The following POLR1F variants were observed in gnomAD, a reference collection of about 807,000 sequenced individuals.
POLR1F encodes DNA-directed RNA polymerase I subunit RPA43.
POLR1F carries 23 observed loss-of-function variants against 21.8 expected under a neutral mutation model. The observed-to-expected ratio is 1.05, with a 90% CI of 0.76 to 1.49. The LOEUF is 1.49. Ranked by LOEUF, POLR1F falls within the 40% of genes most tolerant of loss-of-function variation. POLR1F has a pLI of 0.00. For missense variants in POLR1F, 435 were observed against 412.1 expected, an observed-to-expected ratio of 1.06 and a Z score of -0.48; for synonymous variants, 162 against 152.8, an observed-to-expected ratio of 1.06 and a Z score of -0.45.
At position 19,709,028 on chromosome 7, in the gene POLR1F, A is replaced by T; in HGVS notation, c.-12T>A. On this transcript the variant is annotated 5_prime_UTR_variant, in exon 1 of 4. In the 5' UTR this introduces an upstream ATG that the reference lacks. Coordinates refer to ENST00000222567, the MANE Select transcript of POLR1F (RefSeq NM_001002926.2). ...CAACCTGCAGCCATGCTGCTTGTCA[A>T]GGTTCCCACGGCGCGCGCCGTTGAC... 1 of 1,558,890 alleles carries T rather than the reference A, an allele frequency of 6.4e-7. No individual in the cohort carries two copies.
At chr7:19,704,955 A>G in intron 1 of POLR1F, 35 bp from the exon 2 acceptor site, 1 of 1,536,884 alleles carries the variant, frequency 6.5e-7, no homozygotes, top group Non-Finnish European at 8.7e-7. Flanking sequence ...GATACCTTTT[A>G]TCGTCTTTTA....
At position 19,698,104 on chromosome 7, in the gene POLR1F, G is replaced by A. The variant is rs1458074003; in HGVS notation, c.*212C>T. 1 of 405,510 alleles carries A rather than the reference G, an allele frequency of 2.5e-6. No homozygotes were observed. The allele number at this position is 405,510 out of a possible 1,614,324, so 25.1% of individuals were successfully genotyped here. A position where few individuals can be genotyped will look rare whatever the true frequency, so the allele number is the denominator to read the frequency against. ...GACAGTGAGAGCAGCTTTTTATTTT[G>A]TATAAAATGGTATTTTAACAATACT... On this transcript the variant is annotated 3_prime_UTR_variant, in exon 4 of 4. Coordinates refer to ENST00000222567, the MANE Select transcript of POLR1F (RefSeq NM_001002926.2).
Position 19,696,148 on chromosome 7 carries a change from T to C in POLR1F, c.*2168A>G, listed in dbSNP as rs1030189736. The stretch of plus-strand genomic sequence containing the variant: ...CTAGGTTAGTGCAGCATGTGCCAAA[T>C]GTTTTGAAGAATACATAGTGGACAC... On this transcript the variant is annotated 3_prime_UTR_variant, in exon 4 of 4. Coordinates refer to ENST00000222567, the MANE Select transcript of POLR1F (RefSeq NM_001002926.2). 5.3e-5 allele frequency: 8 copies of C among 152,040 alleles called. No homozygotes were observed. The highest frequency in any genetic ancestry group is 1.2e-4 in the African/African-American group (5 of 41,424). The allele number at this position is 152,040 out of a possible 1,614,324, so 9.4% of individuals were successfully genotyped here.
intron 2 of POLR1F, among the ~76,000 whole-genome samples, chr7:19,703,701 C>T (rs145458023): frequency 6.6e-6 from 1 of 152,204 alleles, no homozygotes; most frequent in African/African-American, 2.4e-5. Flanking sequence ...CTCAGGTGAT[C>T]CTCCTACCCC....
In POLR1F at chr7:19,708,991, G is replaced by T; in HGVS notation, c.26C>A (p.Pro9Gln). ...CCCATCAGAAGCCGCCGCTGGCCGC[G>T]GCGCCTCTGAGCAACCTGCAGCCAT... MAAGCSEA[P>Q]RPAAASDGSL... Residue 9 changes from proline to glutamine, a missense_variant, in exon 1 of 4, where the codon CCG becomes CAG. Transcript: ENST00000222567. 1.9e-6 allele frequency: 3 copies of T among 1,594,360 alleles called. No homozygotes were observed. The highest frequency in any genetic ancestry group is 2.6e-6 in the Non-Finnish European group (3 of 1,169,194).
chr7:19,700,190 CT>C lies in POLR1F; in HGVS notation c.486del (p.Ala163LeufsTer9). ...ATCTCCATGGTTTGCCACTGCTCAG[CT>C]GACAACTGCTCAGGTTTAGGAATGG... ...NASIPKPEQLSAEQWQTMEIN... is the reference protein window; with the variant it reads ...NASIPKPEQLXAEQWQTMEIN... On this transcript the variant is annotated frameshift_variant, in exon 3 of 4. Coordinates refer to ENST00000222567, the MANE Select transcript of POLR1F (RefSeq NM_001002926.2). LOFTEE classifies it high-confidence loss of function. 6.2e-7 allele frequency: 1 copy of C among 1,613,900 alleles called. No individual in the cohort carries two copies. The highest frequency in any genetic ancestry group is 8.5e-7 in the Non-Finnish European group (1 of 1,179,850).
rs1039162666 is a variant in POLR1F, at chr7:19,695,548, T to C, written c.*2768A>G. Reference sequence around the variant, plus strand: ...ACAAAGGATTCACTGTTAAATACTATAGATATAGTTAAGGCATAATTCCAG... The same window carrying C: ...ACAAAGGATTCACTGTTAAATACTACAGATATAGTTAAGGCATAATTCCAG... On this transcript the variant is annotated 3_prime_UTR_variant, in exon 4 of 4. Coordinates refer to ENST00000222567, the MANE Select transcript of POLR1F (RefSeq NM_001002926.2). 3.3e-5 allele frequency: 5 copies of C among 152,162 alleles called. No homozygotes were observed. Among genetic ancestry groups the C allele is most frequent in the Non-Finnish European group, 7.4e-5 (5 of 67,980 alleles). 9.4% of individuals were successfully genotyped at this position (152,162 alleles called of 1,614,324 possible).
chr7:19,698,713 C>T lies in POLR1F; in HGVS notation c.620G>A (p.Arg207His), dbSNP rs774898966. 16 of 1,539,062 alleles carry T rather than the reference C, an allele frequency of 1.0e-5. No homozygotes were observed. In the Admixed American group the frequency reaches 2.1e-4, roughly 21 times the overall value. ...TGTAACTTCTTCAGAAACTTCAGAG[C>T]GCTTGAATTGTAAACTATAAATTAA... ...KLNITSLQFK[R>H]SEVSEEVTEN... Residue 207 changes from arginine (R) to histidine (H), a missense_variant, in exon 4 of 4, where the codon CGC (arginine) becomes CAC (histidine). Transcript: ENST00000222567.
chr7:19,698,390 G>GTTTTC lies in POLR1F; in HGVS notation c.938_942dup (p.His315GlufsTer13). The GTTTTC allele has an allele frequency of 1.2e-6, 2 of 1,600,252 alleles. No homozygotes were observed. The highest frequency in any genetic ancestry group is 1.7e-6 in the Non-Finnish European group (2 of 1,176,844). The stretch of plus-strand genomic sequence containing the variant: ...GGGGTAAATTCGGCCTCTTCACTGT[G>GTTTTC]TTTTCTTTTCTTTTTTTTCTTTTTA... On this transcript the variant is annotated frameshift_variant, in exon 4 of 4. Transcript: ENST00000222567. LOFTEE classifies it low-confidence loss of function (END_TRUNC).
chr7:19,700,277 T>C lies in POLR1F; in HGVS notation c.400A>G (p.Ile134Val). 1 of 1,612,436 alleles carries C rather than the reference T, an allele frequency of 6.2e-7. No homozygotes were observed. Among genetic ancestry groups the C allele is most frequent in the Non-Finnish European group, 8.5e-7 (1 of 1,178,702 alleles). ...CPEPGQKLMG[I>V]VNKVSSSHIG... ...TGGCTAGAAGACACTTTATTAACTATACCCTGGGAAGAAGAAGGAAGAAAG... is the reference window on the plus strand; with the variant it reads ...TGGCTAGAAGACACTTTATTAACTACACCCTGGGAAGAAGAAGGAAGAAAG... The change falls in exon 3 of 4, where the codon ATA (isoleucine) becomes GTA (valine). Residue 134 changes from isoleucine to valine, a missense_variant. Coordinates refer to ENST00000222567, the MANE Select transcript of POLR1F (RefSeq NM_001002926.2).
rs1783352286 is a variant in POLR1F, at chr7:19,695,663, CAAGTAGAAA to C, written c.*2644_*2652del. 6.6e-6 allele frequency: 1 copy of C among 151,990 alleles called. No homozygotes were observed. The highest frequency in any genetic ancestry group is 1.9e-4 in the East Asian group (1 of 5,202). 9.4% of individuals were successfully genotyped at this position (151,990 alleles called of 1,614,324 possible). On this transcript the variant is annotated 3_prime_UTR_variant, in exon 4 of 4. Coordinates refer to ENST00000222567, the MANE Select transcript of POLR1F (RefSeq NM_001002926.2). ...CAGTTTGAAATAATGCACAGTGTTA[CAAGTAGAAA>C]AATATTTATTAAAGAAAAATAAGAA...
chr7:19,698,484 C>G lies in POLR1F; in HGVS notation c.849G>C (p.Lys283Asn). 3.1e-6 allele frequency: 5 copies of G among 1,611,794 alleles called. No homozygotes were observed. Among genetic ancestry groups the G allele is most frequent in the Non-Finnish European group, 4.2e-6 (5 of 1,179,472 alleles). The part of the protein sequence containing the change: ...EEPKKKKKKK[K>N]HQEVQDQDPV... ...GGTCCTGGTCCTGAACTTCCTGGTG[C>G]TTTTTCTTCTTCTTCTTTTTCTTTG... The change falls in exon 4 of 4, where the codon AAG becomes AAC. Residue 283 changes from lysine (K) to asparagine (N), a missense_variant. Physicochemically the swap from Lys to Asn is moderately conservative, Grantham distance 94. Coordinates refer to ENST00000222567, the MANE Select transcript of POLR1F (RefSeq NM_001002926.2).
intron 3 of POLR1F, 103 bp downstream of exon 3, chr7:19,699,969 T>C: frequency 2.1e-6 from 2 of 945,776 alleles, no homozygotes; most frequent in South Asian, 1.7e-5. Flanking sequence ...CAGGTATTTT[T>C]AGAGAGGCTT....
intron 1 of POLR1F, 42 bp downstream of exon 1, chr7:19,708,721 C>A: frequency 6.3e-7 from 1 of 1,578,268 alleles, no homozygotes; most frequent in Non-Finnish European, 8.7e-7. Context: ...ACCTGCTTTA[C>A]TTCCCGTGCA....
chr7:19,703,838 C>T (rs1201060199), intron 2 of POLR1F, among the ~76,000 whole-genome samples: 6 of 152,194 alleles, frequency 3.9e-5, no homozygotes, highest in African/African-American at 1.4e-4. Context: ...AAGTGATCCT[C>T]CTGCCTCAGC....
chr7:19,698,480 G>A lies in POLR1F; in HGVS notation c.853C>T (p.Gln285Ter). The A allele has an allele frequency of 3.1e-6, 5 of 1,611,842 alleles. No individual in the cohort carries two copies. Among genetic ancestry groups the A allele is most frequent in the South Asian group, 1.1e-5 (1 of 90,648 alleles). Reference sequence around the variant, plus strand: ...ACAGGGTCCTGGTCCTGAACTTCCTGGTGCTTTTTCTTCTTCTTCTTTTTC... The same window carrying A: ...ACAGGGTCCTGGTCCTGAACTTCCTAGTGCTTTTTCTTCTTCTTCTTTTTC... Reference protein sequence around the residue: ...PKKKKKKKKHQEVQDQDPVFQ... With the variant: ...PKKKKKKKKH Residue 285 changes from glutamine (Q) to a stop codon, truncating the protein, a stop_gained, in exon 4 of 4, where the codon CAG becomes TAG. Coordinates refer to ENST00000222567, the MANE Select transcript of POLR1F (RefSeq NM_001002926.2). LOFTEE classifies it high-confidence loss of function.
rs1385696797 is a variant in POLR1F at position 19,696,409 on chromosome 7, T to G, written c.*1907A>C. 6.6e-6 allele frequency: 1 copy of G among 152,110 alleles called. No individual in the cohort carries two copies. The highest frequency in any genetic ancestry group is 1.9e-4 in the East Asian group (1 of 5,194). The allele number at this position is 152,110 out of a possible 1,614,324, so 9.4% of individuals were successfully genotyped here. The stretch of plus-strand genomic sequence containing the variant: ...AAAGTAACGTGGGAACTTGCTTATT[T>G]GCTAAGCCACAATGTATTTTTCCAG... On this transcript the variant is annotated 3_prime_UTR_variant, in exon 4 of 4. Coordinates refer to ENST00000222567, the MANE Select transcript of POLR1F (RefSeq NM_001002926.2).
rs1262037945 is a variant in POLR1F at position 19,696,315 on chromosome 7, A to G, written c.*2001T>C. 2.0e-5 allele frequency: 3 copies of G among 152,134 alleles called. No homozygotes were observed. Among genetic ancestry groups the G allele is most frequent in the Non-Finnish European group, 2.9e-5 (2 of 67,962 alleles). 9.4% of individuals were successfully genotyped at this position (152,134 alleles called of 1,614,324 possible). A position where few individuals can be genotyped will look rare whatever the true frequency, so the allele number is the denominator to read the frequency against. On this transcript the variant is annotated 3_prime_UTR_variant, in exon 4 of 4. Transcript: ENST00000222567. ...AAAAGCAGGAACAAATCTAGTTTCA[A>G]GTTCAGCATGCCGTTCCCTGTTTAA...
In POLR1F at chr7:19,698,135, T is replaced by TC. The variant is rs944103392; in HGVS notation, c.*180dup. ...AATGGTATTTTAACAATACTGGCTT[T>TC]CCCCAAATTAATTTACAGTCAGTTT... is the stretch of plus-strand genomic sequence containing the variant. On this transcript the variant is annotated 3_prime_UTR_variant, in exon 4 of 4. Transcript: ENST00000222567. 4.1e-5 allele frequency: 20 copies of TC among 484,526 alleles called. No homozygotes were observed. Among genetic ancestry groups the TC allele is most frequent in the African/African-American group, 4.0e-4 (20 of 49,732 alleles). The allele number at this position is 484,526 out of a possible 1,614,324, so 30.0% of individuals were successfully genotyped here. A position where few individuals can be genotyped will look rare whatever the true frequency, so the allele number is the denominator to read the frequency against.
Sources: allele counts gnomAD v4.1 joint callset (sites outside exome capture counted in the v4.1 genomes callset), GRCh38; gene constraint gnomAD v4.1.1; transcripts MANE v1.5; gene names NCBI Gene and HGNC (gene_info 2026-07-23, HGNC 2026-07-21).